MPP3: variants seen among roughly 807,000 people sequenced by gnomAD.
MPP3 encodes MAGUK p55 subfamily member 3.
MPP3 carries 48 observed loss-of-function variants against 80.7 expected under a neutral mutation model. The observed-to-expected ratio is 0.59, with a 90% confidence interval of 0.47 to 0.76. The LOEUF (loss-of-function observed/expected upper bound fraction) is 0.76, where lower values mean the gene tolerates loss of function less well. MPP3 is among the 30% of genes least tolerant of loss of function. The pLI, the probability that MPP3 is intolerant of heterozygous loss-of-function variation, is 0.00. For missense variants in MPP3, 620 were observed against 763.0 expected, an observed-to-expected ratio of 0.81 and a Z score of 2.21; for synonymous variants, 311 against 297.6, an observed-to-expected ratio of 1.04 and a Z score of -0.46.
At chr17:43,824,862 C>T (rs372567538) in intron 9 of MPP3, among the ~76,000 whole-genome samples, 28 of 152,292 alleles carry the variant, frequency 1.8e-4, no homozygotes, top group African/African-American at 6.5e-4. Context: ...GCAACCTCCA[C>T]CTCCTGGGTT....
Position 43,801,475 on chromosome 17 carries a change from T to A in MPP3, c.*226A>T. ...TGATACTTTAATAAATGAAATGTGT[T>A]GTTTTCTGATATGCCCCTTTCAAAT... On this transcript the variant is annotated 3_prime_UTR_variant, in exon 20 of 20. Coordinates refer to ENST00000398389, the MANE Select transcript of MPP3 (RefSeq NM_001932.6). The A allele has an allele frequency of 1.9e-6, 1 of 517,946 alleles. No individual in the cohort carries two copies. The allele number at this position is 517,946 out of a possible 1,614,324, so 32.1% of individuals were successfully genotyped here.
intron 12 of MPP3, among the ~76,000 whole-genome samples, chr17:43,817,525 T>C (rs1451870485): frequency 6.6e-6 from 1 of 152,190 alleles, no homozygotes; most frequent in Non-Finnish European, 1.5e-5. Context: ...ATACTTATAC[T>C]ATAATAAAAA....
chr17:43,817,898 C>T, intron 12 of MPP3, 148 bp downstream of exon 12: 1 of 303,140 alleles, frequency 3.3e-6, no homozygotes, highest in South Asian at 3.0e-5. Context: ...CCTCCTACTT[C>T]CCACCCCCTC....
intron 2 of MPP3, chr17:43,832,164 C>G: frequency 1.9e-6 from 1 of 540,270 alleles, no homozygotes; most frequent in Non-Finnish European, 3.2e-6. Flanking sequence ...CTATGATAAA[C>G]TTTTTGTCTG....
chr17:43,801,604 T>G lies in MPP3; in HGVS notation c.*97A>C. ...ATGATGGAATTTGTGGAGAATTCTCTCCCTCTCTGCGCTTGAGATTCCTTG... is the reference window on the plus strand; with the variant it reads ...ATGATGGAATTTGTGGAGAATTCTCGCCCTCTCTGCGCTTGAGATTCCTTG... On this transcript the variant is annotated 3_prime_UTR_variant, in exon 20 of 20. Coordinates refer to ENST00000398389, the MANE Select transcript of MPP3 (RefSeq NM_001932.6). 2 of 1,186,838 alleles carry G rather than the reference T, an allele frequency of 1.7e-6. No homozygotes were observed. Among genetic ancestry groups the G allele is most frequent in the South Asian group, 2.7e-5 (2 of 74,790 alleles). 73.5% of individuals were successfully genotyped at this position (1,186,838 alleles called of 1,614,324 possible).
chr17:43,827,327 T>TC (rs1351213416), intron 8 of MPP3, among the ~76,000 whole-genome samples: 2 of 143,570 alleles, frequency 1.4e-5, no homozygotes, highest in African/African-American at 2.6e-5. Context: ...TTTTTTTTTT[T>TC]TCTTTTTTTT....
At chr17:43,831,403 T>C in intron 4 of MPP3, 82 bp from the exon 5 acceptor site, 1 of 1,469,752 alleles carries the variant, frequency 6.8e-7, no homozygotes, top group Non-Finnish European at 9.5e-7. Context: ...GGCAGCAGAC[T>C]GGGCCACTGA....
Position 43,811,026 on chromosome 17 carries a change from G to T in MPP3, c.1349+86C>A, listed in dbSNP as rs530129972. On this transcript the variant is annotated intron_variant, in intron 17 of 19. Transcript: ENST00000398389. ...CTCTCCCGCTTCCCCCATCCTTTCC[G>T]GGAGTCCTCCCAGGAGCTCTAGTGG... The T allele has an allele frequency of 1.4e-5, 20 of 1,456,270 alleles. No homozygotes were observed. The South Asian group carries it at 1.7e-4, about 13-fold the overall frequency. 90.2% of individuals were successfully genotyped at this position (1,456,270 alleles called of 1,614,324 possible).
At chr17:43,832,175 C>T in intron 2 of MPP3, 1 of 532,240 alleles carries the variant, frequency 1.9e-6, no homozygotes, top group East Asian at 3.4e-5. Context: ...TTTTTGTCTG[C>T]ACAAAGTCCT....
chr17:43,801,629 G>A lies in MPP3; in HGVS notation c.*72C>T, dbSNP rs1233089644. 92 of 1,423,118 alleles carry A rather than the reference G, an allele frequency of 6.5e-5. 1 individual carries two copies. The highest frequency in any genetic ancestry group is 5.3e-4 in the South Asian group (44 of 83,004). The allele number at this position is 1,423,118 out of a possible 1,614,324, so 88.2% of individuals were successfully genotyped here. A position where few individuals can be genotyped will look rare whatever the true frequency, so the allele number is the denominator to read the frequency against. Reference sequence around the variant, plus strand: ...TCCCTCTCTGCGCTTGAGATTCCTTGATGGTAAAATGAGGGAGTCTGGACT... The same window carrying A: ...TCCCTCTCTGCGCTTGAGATTCCTTAATGGTAAAATGAGGGAGTCTGGACT... On this transcript the variant is annotated 3_prime_UTR_variant, in exon 20 of 20. Coordinates refer to ENST00000398389, the MANE Select transcript of MPP3 (RefSeq NM_001932.6).
At chr17:43,830,389 G>A (rs2045908799) in intron 5 of MPP3, among the ~76,000 whole-genome samples, 1 of 152,208 alleles carries the variant, frequency 6.6e-6, no homozygotes, top group Non-Finnish European at 1.5e-5. Flanking sequence ...AGAGGGTCTT[G>A]TTACTTTGCC....
chr17:43,831,774 G>A, intron 3 of MPP3, 97 bp from the exon 4 acceptor site: 2 of 1,425,856 alleles, frequency 1.4e-6, no homozygotes, highest in African/African-American at 1.4e-5. Flanking sequence ...CTTCAGTCCT[G>A]CCGTGAGGAC....
chr17:43,801,910 G>C (rs2044425012), intron 19 of MPP3, 33 bp from the exon 20 acceptor site: 1 of 1,598,042 alleles, frequency 6.3e-7, no homozygotes, highest in Non-Finnish European at 8.5e-7. Context: ...AGGAGCAACT[G>C]GGTTGTTCTC....
chr17:43,803,836 A>G (rs1401542521), intron 19 of MPP3, among the ~76,000 whole-genome samples: 1 of 152,074 alleles, frequency 6.6e-6, no homozygotes, highest in African/African-American at 2.4e-5. Flanking sequence ...CCTGCTGCCT[A>G]CTCACAGCTG....
intron 19 of MPP3, among the ~76,000 whole-genome samples, chr17:43,805,271 T>C (rs2044569884): frequency 6.6e-6 from 1 of 152,182 alleles, no homozygotes; most frequent in Non-Finnish European, 1.5e-5. Flanking sequence ...CACAATGAGA[T>C]ACCACTTCAC....
chr17:43,826,013 C>G (rs1293250405), intron 8 of MPP3, among the ~76,000 whole-genome samples, 172 bp from the exon 9 acceptor site: 1 of 152,228 alleles, frequency 6.6e-6, no homozygotes, highest in African/African-American at 2.4e-5. Context: ...TGCTGGGCAC[C>G]TCACTCGGCA....
Position 43,804,783 on chromosome 17 carries a change from G to A in MPP3, c.1582-2906C>T, listed in dbSNP as rs149529010. 5.5e-3 allele frequency among the ~76,000 whole-genome samples: 835 copies of A among 152,266 alleles called. 8 individuals carry two copies. The highest frequency in any genetic ancestry group is 0.02 in the Middle Eastern group (6 of 294). On this transcript the variant is annotated intron_variant, in intron 19 of 19. Transcript: ENST00000398389. ...GTGCCTCCCAGCACTTTGGGAGGCCGAGGCAGGTGGATCACCCAGGTCAGG... is the reference window on the plus strand; with the variant it reads ...GTGCCTCCCAGCACTTTGGGAGGCCAAGGCAGGTGGATCACCCAGGTCAGG...
At chr17:43,804,467 C>T (rs2044533290) in intron 19 of MPP3, among the ~76,000 whole-genome samples, 1 of 152,148 alleles carries the variant, frequency 6.6e-6, no homozygotes, top group Admixed American at 6.6e-5. Context: ...ACCAGTGATG[C>T]TGGGGTAACT....
intron 16 of MPP3, among the ~76,000 whole-genome samples, chr17:43,813,718 G>A (rs1045946577): frequency 2.0e-5 from 3 of 152,122 alleles, no homozygotes; most frequent in African/African-American, 2.4e-5. Flanking sequence ...TGGGGGCCCC[G>A]TGGTGTCAGG....
Sources: allele counts gnomAD v4.1 joint callset (sites outside exome capture counted in the v4.1 genomes callset), GRCh38; gene constraint gnomAD v4.1.1; transcripts MANE v1.5; gene names NCBI Gene and HGNC (gene_info 2026-07-23, HGNC 2026-07-21).